PRKCE: variants seen among roughly 807,000 people sequenced by gnomAD.
PRKCE encodes protein kinase C epsilon.
A neutral mutation model predicts 85.4 loss-of-function variants in PRKCE; 16 were observed. That is an observed-to-expected ratio of 0.19 (90% confidence interval 0.13 to 0.28). The LOEUF (loss-of-function observed/expected upper bound fraction) is 0.28. Among genes scored for constraint, PRKCE ranks in the 10% least tolerant of loss-of-function variants. The pLI, the probability that PRKCE is intolerant of heterozygous loss-of-function variation, is 1.00. For missense variants in PRKCE, 573 were observed against 975.2 expected, an observed-to-expected ratio of 0.59 and a Z score of 5.49; for synonymous variants, 388 against 371.5, an observed-to-expected ratio of 1.04 and a Z score of -0.51.
intron 2 of PRKCE, among the ~76,000 whole-genome samples, chr2:45,885,422 C>A (rs987210000): frequency 1.3e-5 from 2 of 152,208 alleles, no homozygotes; most frequent in East Asian, 3.9e-4. Flanking sequence ...CATTTATATT[C>A]GCAGCCCATT....
At chr2:46,178,933 G>A (rs1456662917) in intron 14 of PRKCE, among the ~76,000 whole-genome samples, 7 of 152,128 alleles carry the variant, frequency 4.6e-5, no homozygotes, top group Non-Finnish European at 7.3e-5. Context: ...CTGGAGTTAC[G>A]GAAGTCATAA....
rs560151776 is a variant in PRKCE, at chr2:45,999,472, CT to C, written c.824-1922del. On this transcript the variant is annotated intron_variant, in intron 6 of 14. Coordinates refer to ENST00000306156, the MANE Select transcript of PRKCE (RefSeq NM_005400.3). ...TATTTTTCCTCCTTTATAGGTAAAA[CT>C]TTTTTTTTTCCTTTGACTTCTTTCA... Among the ~76,000 whole-genome samples, 33 of 149,836 alleles carry C rather than the reference CT, an allele frequency of 2.2e-4. No individual in the cohort carries two copies. In the South Asian group the frequency reaches 3.4e-3, roughly 15 times the overall value.
chr2:46,002,111 T>C (rs2104733700), intron 7 of PRKCE, among the ~76,000 whole-genome samples: 1 of 152,310 alleles, frequency 6.6e-6, no homozygotes, highest in East Asian at 1.9e-4. Flanking sequence ...TAAATATCAG[T>C]AAGAAGAGAT....
intron 1 of PRKCE, among the ~76,000 whole-genome samples, chr2:45,660,788 A>G (rs1675600590): frequency 6.6e-6 from 1 of 152,252 alleles, no homozygotes; most frequent in Non-Finnish European, 1.5e-5. Flanking sequence ...AATGCTAATC[A>G]GCATGGTTGC....
intron 10 of PRKCE, among the ~76,000 whole-genome samples, chr2:46,066,644 C>T (rs1043238686): frequency 6.6e-6 from 1 of 152,106 alleles, no homozygotes; most frequent in Non-Finnish European, 1.5e-5. Context: ...TTTAGATGAT[C>T]AGAGCAGGAC....
chr2:45,902,347 AAGCCTGCCAATGCCC>A (rs1288903796), intron 2 of PRKCE, among the ~76,000 whole-genome samples: 2 of 152,132 alleles, frequency 1.3e-5, no homozygotes, highest in Non-Finnish European at 2.9e-5. Flanking sequence ...CTCTTACCAA[AAGCCTGCCAATGCCC>A]AGCCTGCCAA....
chr2:46,003,611 C>T (rs1418794284), intron 7 of PRKCE, among the ~76,000 whole-genome samples: 2 of 152,102 alleles, frequency 1.3e-5, no homozygotes, highest in Admixed American at 6.6e-5. Context: ...AAGATACTAA[C>T]TATAAAAAGC....
chr2:45,837,690 T>A (rs1690997189), intron 1 of PRKCE, among the ~76,000 whole-genome samples: 1 of 152,098 alleles, frequency 6.6e-6, no homozygotes, highest in South Asian at 2.1e-4. Flanking sequence ...TGGCCACCTA[T>A]CTTCCTTAAC....
chr2:46,006,809 G>T (rs371627777), intron 8 of PRKCE, among the ~76,000 whole-genome samples: 3 of 152,160 alleles, frequency 2.0e-5, no homozygotes, highest in African/African-American at 7.2e-5. Flanking sequence ...AGAAATTCCC[G>T]CCCCATTGGA....
chr2:45,771,412 G>A (rs1008881337), intron 1 of PRKCE, among the ~76,000 whole-genome samples: 3 of 152,094 alleles, frequency 2.0e-5, no homozygotes, highest in African/African-American at 7.2e-5. Context: ...TCCCTGGCGC[G>A]GCCACCTCCC....
At chr2:45,834,886 T>A (rs1001611552) in intron 1 of PRKCE, among the ~76,000 whole-genome samples, 2 of 152,246 alleles carry the variant, frequency 1.3e-5, no homozygotes, top group African/African-American at 4.8e-5. Flanking sequence ...TTATCTTGTT[T>A]TATATATGAG....
chr2:45,852,378 T>C (rs1692340431), intron 2 of PRKCE, among the ~76,000 whole-genome samples: 2 of 152,252 alleles, frequency 1.3e-5, no homozygotes, highest in Admixed American at 6.5e-5. Flanking sequence ...TTCAGGTGTA[T>C]CCATCTGTTA....
intron 10 of PRKCE, among the ~76,000 whole-genome samples, chr2:46,029,132 T>C (rs528828749): frequency 1.1e-4 from 16 of 152,216 alleles, no homozygotes; most frequent in Non-Finnish European, 2.4e-4. Context: ...GCACTTACTA[T>C]ATACCTGTCA....
At chr2:45,854,209 A>G (rs980693677) in intron 2 of PRKCE, among the ~76,000 whole-genome samples, 12 of 152,300 alleles carry the variant, frequency 7.9e-5, no homozygotes, top group African/African-American at 1.7e-4. Flanking sequence ...TGGCCTTGCA[A>G]TGTGGCATTG....
intron 1 of PRKCE, among the ~76,000 whole-genome samples, chr2:45,726,075 T>C (rs1228812462): frequency 6.6e-6 from 1 of 152,176 alleles, no homozygotes; most frequent in Non-Finnish European, 1.5e-5. Context: ...TTGACCAAAC[T>C]TGAACGGATG....
At chr2:45,778,032 G>A (rs1277390449) in intron 1 of PRKCE, among the ~76,000 whole-genome samples, 3 of 151,558 alleles carry the variant, frequency 2.0e-5, no homozygotes, top group South Asian at 4.2e-4. Flanking sequence ...AGGACTGGAG[G>A]GTGGGCTTTG....
At chr2:45,763,957 C>G (rs1275269045) in intron 1 of PRKCE, among the ~76,000 whole-genome samples, 3 of 152,176 alleles carry the variant, frequency 2.0e-5, no homozygotes, top group Non-Finnish European at 4.4e-5. Context: ...AATTAAATTC[C>G]CTTCCCAGTC....
intron 10 of PRKCE, among the ~76,000 whole-genome samples, chr2:46,053,984 A>G (rs1259253120): frequency 1.3e-5 from 2 of 152,186 alleles, no homozygotes; most frequent in Non-Finnish European, 2.9e-5. Context: ...TCCTACCAAC[A>G]AAAACAGCTA....
At chr2:45,690,397 A>G (rs542624740) in intron 1 of PRKCE, among the ~76,000 whole-genome samples, 15 of 152,306 alleles carry the variant, frequency 9.8e-5, no homozygotes, top group Middle Eastern at 3.4e-3. Flanking sequence ...GTATGGTGCA[A>G]AGCAGGGGCT....
Sources: allele counts gnomAD v4.1 joint callset (sites outside exome capture counted in the v4.1 genomes callset), GRCh38; gene constraint gnomAD v4.1.1; transcripts MANE v1.5; gene names NCBI Gene and HGNC (gene_info 2026-07-23, HGNC 2026-07-21).